Variants in PTPRD observed in about 807,000 individuals in gnomAD.
PTPRD encodes receptor-type tyrosine-protein phosphatase delta.
In PTPRD, 34 loss-of-function variants were observed where a neutral mutation model predicts 214.5. The observed-to-expected ratio is 0.16, with a 90% CI of 0.12 to 0.21. The LOEUF is 0.21. PTPRD is among the 10% of genes least tolerant of loss of function. The pLI, the probability that PTPRD is intolerant of heterozygous loss-of-function variation, is 1.00. For missense variants in PTPRD, 2,545 were observed against 2,398.7 expected, an observed-to-expected ratio of 1.06 and a Z score of -1.27; for synonymous variants, 1,128 against 845.7, an observed-to-expected ratio of 1.33 and a Z score of -5.79.
intron 3 of PTPRD, among the ~76,000 whole-genome samples, chr9:10,048,875 T>A (rs2097459545): frequency 6.6e-6 from 1 of 151,742 alleles, no homozygotes; most frequent in Admixed American, 6.6e-5. Context: ...TTTAACAGAG[T>A]CAAATTTAGC....
intron 14 of PTPRD, among the ~76,000 whole-genome samples, chr9:8,547,122 A>G (rs1380693003): frequency 2.0e-5 from 3 of 152,214 alleles, no homozygotes; most frequent in East Asian, 1.9e-4. Flanking sequence ...AATATTGTAG[A>G]TACAACCTTT....
intron 12 of PTPRD, among the ~76,000 whole-genome samples, chr9:8,728,745 T>C (rs1443224553): frequency 6.6e-6 from 1 of 152,120 alleles, no homozygotes. Flanking sequence ...TTTAGGAGGC[T>C]GAGGCAAGTG....
chr9:10,380,653 G>A (rs1237993769), intron 2 of PTPRD, among the ~76,000 whole-genome samples: 3 of 151,996 alleles, frequency 2.0e-5, no homozygotes, highest in Non-Finnish European at 4.4e-5. Context: ...GGCATTAGTG[G>A]AGTATTCTGA....
chr9:8,537,583 G>C (rs926622923), intron 14 of PTPRD, among the ~76,000 whole-genome samples: 1 of 151,924 alleles, frequency 6.6e-6, no homozygotes, highest in Admixed American at 6.6e-5. Flanking sequence ...CAAGAGTCTC[G>C]AAAGATTTCT....
At chr9:10,146,026 T>C (rs2099019981) in intron 3 of PTPRD, among the ~76,000 whole-genome samples, 1 of 151,994 alleles carries the variant, frequency 6.6e-6, no homozygotes, top group Non-Finnish European at 1.5e-5. Context: ...TTAACATATT[T>C]GGAAATAAAA....
chr9:8,340,443 T>C lies in PTPRD; in HGVS notation c.5153A>G (p.Gln1718Arg). ...TTCAGTGGTCTCTGCCAAGGGCCCC[T>C]GGGTAGCGATGTAGGCTTTCTGTTG... Reference protein sequence around the residue: ...YRQQKAYIATQGPLAETTEDF... With the variant: ...YRQQKAYIATRGPLAETTEDF... Residue 1718 changes from glutamine (Q) to arginine (R), a missense_variant, in exon 42 of 46, where the codon CAG (glutamine) becomes CGG (arginine). Transcript: ENST00000381196. 1 of 1,604,216 alleles carries C rather than the reference T, an allele frequency of 6.2e-7. No homozygotes were observed. Among genetic ancestry groups the C allele is most frequent in the Non-Finnish European group, 8.5e-7 (1 of 1,172,950 alleles).
In PTPRD at chr9:10,446,421, T is replaced by C. The variant is rs1477012457; in HGVS notation, c.-599-105404A>G. ...TTTTATTAAAACTATTTTTTTCTTT[T>C]TTTTTTTTTTTTTTTTTTTGCTATG... On this transcript the variant is annotated intron_variant, in intron 2 of 45. Transcript: ENST00000381196. Among the ~76,000 whole-genome samples the C allele has an allele frequency of 3.3e-5, 4 of 122,252 alleles. No homozygotes were observed. The East Asian group carries it at 7.9e-4, about 24-fold the overall frequency. The allele number at this position is 122,252 out of a possible 152,430, so 80.2% of individuals were successfully genotyped here.
At chr9:8,805,381 T>C (rs563537437) in intron 11 of PTPRD, among the ~76,000 whole-genome samples, 1 of 152,098 alleles carries the variant, frequency 6.6e-6, no homozygotes, top group Non-Finnish European at 1.5e-5. Flanking sequence ...AACATGAACA[T>C]CAGAGTAATC....
chr9:8,655,327 C>A (rs1379783163), intron 12 of PTPRD, among the ~76,000 whole-genome samples: 1 of 152,186 alleles, frequency 6.6e-6, no homozygotes, highest in Non-Finnish European at 1.5e-5. Flanking sequence ...AAGTAGAATT[C>A]ATAGTTTGAT....
At chr9:8,735,578 C>T (rs1345041383) in intron 11 of PTPRD, among the ~76,000 whole-genome samples, 1 of 152,134 alleles carries the variant, frequency 6.6e-6, no homozygotes, top group Non-Finnish European at 1.5e-5. Flanking sequence ...TCATGGGAAA[C>T]CATCTTCTAT....
At chr9:10,447,983 A>C (rs2098811055) in intron 2 of PTPRD, among the ~76,000 whole-genome samples, 1 of 151,782 alleles carries the variant, frequency 6.6e-6, no homozygotes, top group South Asian at 2.1e-4. Flanking sequence ...TCCCCATTAT[A>C]ATCACTGTGT....
At chr9:9,220,831 T>C (rs1178994759) in intron 9 of PTPRD, among the ~76,000 whole-genome samples, 2 of 152,140 alleles carry the variant, frequency 1.3e-5, no homozygotes, top group Non-Finnish European at 2.9e-5. Flanking sequence ...ATAATCCTTA[T>C]AGTCATGCAA....
At chr9:8,854,338 AG>A (rs1341218580) in intron 11 of PTPRD, among the ~76,000 whole-genome samples, 11 of 152,230 alleles carry the variant, frequency 7.2e-5, no homozygotes, top group Non-Finnish European at 1.6e-4. Flanking sequence ...AGGTAAACTA[AG>A]GAAGGATAGT....
At chr9:8,733,339 A>C (rs979840191) in intron 12 of PTPRD, among the ~76,000 whole-genome samples, 3 of 152,100 alleles carry the variant, frequency 2.0e-5, no homozygotes, top group Non-Finnish European at 4.4e-5. Context: ...GACAGCTACA[A>C]GGGGCTTGGA....
chr9:8,771,383 T>A (rs2095200340), intron 11 of PTPRD, among the ~76,000 whole-genome samples: 1 of 152,164 alleles, frequency 6.6e-6, no homozygotes, highest in Non-Finnish European at 1.5e-5. Context: ...TTCTTAGAAT[T>A]TAGAACCAAG....
At position 10,474,347 on chromosome 9, in the gene PTPRD, GA is replaced by G. The variant is rs920672730; in HGVS notation, c.-599-133331del. 4.0e-3 allele frequency among the ~76,000 whole-genome samples: 590 copies of G among 148,940 alleles called. 4 individuals carry two copies. Among genetic ancestry groups the G allele is most frequent in the African/African-American group, 0.014 (561 of 40,760 alleles). On this transcript the variant is annotated intron_variant, in intron 2 of 45. Transcript: ENST00000381196. The stretch of plus-strand genomic sequence containing the variant: ...AGCAGGGGTTGCAATCCTAGTCTCT[GA>G]AAAAAAACAGACTTTAAACCAACAA...
chr9:10,607,841 T>G (rs2079869698), intron 2 of PTPRD, among the ~76,000 whole-genome samples: 1 of 152,008 alleles, frequency 6.6e-6, no homozygotes, highest in African/African-American at 2.4e-5. Flanking sequence ...AGTTTTGTTA[T>G]TACATTTTTT....
At chr9:9,811,834 T>C (rs1195891433) in intron 5 of PTPRD, among the ~76,000 whole-genome samples, 1 of 152,004 alleles carries the variant, frequency 6.6e-6, no homozygotes, top group Non-Finnish European at 1.5e-5. Flanking sequence ...AGTGATAGAG[T>C]TTGAGGGGAT....
chr9:8,382,192 C>T (rs12336194), intron 37 of PTPRD, among the ~76,000 whole-genome samples: 4,842 of 152,246 alleles, frequency 0.032, 261 homozygotes, highest in African/African-American at 0.11. Flanking sequence ...TTTTAACAAC[C>T]AGTACAACTA....
Sources: gnomAD v4.1 joint callset for allele counts (sites outside exome capture counted in the v4.1 genomes callset) on GRCh38, gnomAD v4.1.1 for gene constraint, MANE v1.5 for transcripts, NCBI Gene and HGNC (gene_info 2026-07-23, HGNC 2026-07-21) for gene names.